Variants in PIBF1 observed in about 807,000 individuals in gnomAD.
PIBF1 encodes progesterone immunomodulatory binding factor 1.
A neutral mutation model predicts 112.5 loss-of-function variants in PIBF1; 90 were observed. The observed-to-expected ratio is 0.80, with a 90% CI of 0.67 to 0.95. PIBF1 has a LOEUF of 0.95. Among genes scored for constraint, PIBF1 ranks in the 40% least tolerant of loss-of-function variants. The probability of loss-of-function intolerance (pLI) is 0.00; values close to 1 mark genes in which losing one functional copy is unlikely to be tolerated. For synonymous variants in PIBF1, 301 were observed against 288.6 expected (o/e 1.04, Z -0.44); for missense variants, 915 against 852.3 (o/e 1.07, Z -0.92).
intron 9 of PIBF1, among the ~76,000 whole-genome samples, chr13:72,844,205 T>G (rs1643941065): frequency 6.6e-6 from 1 of 152,184 alleles, no homozygotes. Context: ...AAACATTTGT[T>G]GGTAAAAACT....
intron 14 of PIBF1, among the ~76,000 whole-genome samples, chr13:72,953,695 A>G (rs2042365161): frequency 6.6e-6 from 1 of 152,180 alleles, no homozygotes; most frequent in South Asian, 2.1e-4. Flanking sequence ...GGCAATGGCA[A>G]CAGCTGAGGG....
intron 9 of PIBF1, among the ~76,000 whole-genome samples, chr13:72,853,762 T>A (rs1025715447): frequency 4.6e-5 from 7 of 152,196 alleles, no homozygotes; most frequent in African/African-American, 1.7e-4. Context: ...TAATTACACC[T>A]ATCTCATTGG....
At chr13:72,990,206 T>C (rs1394661765) in intron 16 of PIBF1, among the ~76,000 whole-genome samples, 4 of 107,334 alleles carry the variant, frequency 3.7e-5, no homozygotes, top group Non-Finnish European at 5.3e-5. Flanking sequence ...AAAGCAAGAC[T>C]CTGTCTCAAA....
chr13:72,838,359 G>C (rs2037451839), intron 9 of PIBF1, among the ~76,000 whole-genome samples: 1 of 152,068 alleles, frequency 6.6e-6, no homozygotes, highest in South Asian at 2.1e-4. Context: ...GGAGGAATTG[G>C]GGAAGACTTC....
At chr13:72,958,512 AC>A (rs899587571) in intron 14 of PIBF1, among the ~76,000 whole-genome samples, 4 of 152,048 alleles carry the variant, frequency 2.6e-5, no homozygotes, top group Non-Finnish European at 5.9e-5. Context: ...ATAATCAACT[AC>A]CATGTCCTTG....
intron 14 of PIBF1, among the ~76,000 whole-genome samples, chr13:72,964,288 C>G (rs79237862): frequency 5.3e-5 from 8 of 152,140 alleles, no homozygotes; most frequent in Non-Finnish European, 1.2e-4. Flanking sequence ...TAGGCAAATT[C>G]ACAGAGACAG....
chr13:72,950,424 AC>A (rs2042265653), intron 14 of PIBF1, among the ~76,000 whole-genome samples: 2 of 152,180 alleles, frequency 1.3e-5, no homozygotes, highest in African/African-American at 4.8e-5. Context: ...CATTTTAATC[AC>A]TCAGTTACAT....
intron 10 of PIBF1, among the ~76,000 whole-genome samples, chr13:72,892,180 G>A (rs1235620607): frequency 6.6e-6 from 1 of 152,068 alleles, no homozygotes; most frequent in African/African-American, 2.4e-5. Context: ...TATGAATTAT[G>A]TCTCAGTAAA....
At chr13:73,004,432 A>G (rs1208795140) in intron 17 of PIBF1, among the ~76,000 whole-genome samples, 3 of 151,382 alleles carry the variant, frequency 2.0e-5, no homozygotes, top group African/African-American at 7.3e-5. Flanking sequence ...CGGAGGTTGC[A>G]TTGAGCCGAG....
intron 16 of PIBF1, among the ~76,000 whole-genome samples, chr13:72,998,454 G>A (rs2139026376): frequency 6.6e-6 from 1 of 151,646 alleles, no homozygotes; most frequent in Admixed American, 6.6e-5. Flanking sequence ...CAGCCTGGGT[G>A]ACAGTGAGAT....
intron 10 of PIBF1, among the ~76,000 whole-genome samples, chr13:72,860,789 A>C (rs1566370922): frequency 6.6e-6 from 1 of 152,180 alleles, no homozygotes. Context: ...TTACTCAAAG[A>C]CTTTTCTTTT....
chr13:72,865,698 G>T (rs2038897611), intron 10 of PIBF1, among the ~76,000 whole-genome samples: 1 of 152,140 alleles, frequency 6.6e-6, no homozygotes, highest in African/African-American at 2.4e-5. Flanking sequence ...CAGTTACACT[G>T]TTACTAGAAA....
chr13:72,990,213 CAAAAAA>C (rs34873893), intron 16 of PIBF1, among the ~76,000 whole-genome samples: 2 of 52,712 alleles, frequency 3.8e-5, no homozygotes, highest in African/African-American at 7.8e-5. Flanking sequence ...GACTCTGTCT[CAAAAAA>C]AAAAAAAAAA....
chr13:72,817,196 GT>G (rs2036313847), intron 5 of PIBF1, among the ~76,000 whole-genome samples: 1 of 152,118 alleles, frequency 6.6e-6, no homozygotes, highest in African/African-American at 2.4e-5. Flanking sequence ...GACAGGAGTT[GT>G]TCATTTATTA....
chr13:72,998,798 T>C, intron 16 of PIBF1, 24 bp from the exon 17 acceptor site: 3 of 1,569,934 alleles, frequency 1.9e-6, no homozygotes, highest in East Asian at 2.3e-5. Context: ...CTTGCTACTT[T>C]CTTCTGTTTT....
At chr13:72,919,883 A>G (rs1404619011) in intron 13 of PIBF1, among the ~76,000 whole-genome samples, 1 of 152,108 alleles carries the variant, frequency 6.6e-6, no homozygotes, top group East Asian at 1.9e-4. Flanking sequence ...CTGAGGTGGG[A>G]GGATTACCTG....
At chr13:72,986,581 A>G (rs907802995) in intron 16 of PIBF1, among the ~76,000 whole-genome samples, 3 of 151,682 alleles carry the variant, frequency 2.0e-5, no homozygotes, top group Non-Finnish European at 2.9e-5. Flanking sequence ...TAACAGCCCA[A>G]TTGTCTCTCA....
Position 72,783,419 on chromosome 13 carries a change from A to C in PIBF1, c.-47-4A>C. 1.6e-6 allele frequency: 2 copies of C among 1,234,592 alleles called. No individual in the cohort carries two copies. Among genetic ancestry groups the C allele is most frequent in the Non-Finnish European group, 2.3e-6 (2 of 862,812 alleles). 76.5% of individuals were successfully genotyped at this position (1,234,592 alleles called of 1,614,324 possible). A position where few individuals can be genotyped will look rare whatever the true frequency, so the allele number is the denominator to read the frequency against. On this transcript the variant is annotated splice_region_variant and splice_polypyrimidine_tract_variant and intron_variant, in intron 1 of 17. Coordinates refer to ENST00000326291, the MANE Select transcript of PIBF1 (RefSeq NM_006346.4). ...CATTTGAATTAATGTTTTTTAACCT[A>C]CAGAATATTAAAATCAAATTAGAGA... is the stretch of plus-strand genomic sequence containing the variant.
chr13:73,002,759 G>A (rs1409504654), intron 17 of PIBF1, among the ~76,000 whole-genome samples: 2 of 152,000 alleles, frequency 1.3e-5, no homozygotes, highest in Non-Finnish European at 2.9e-5. Flanking sequence ...CGAGGCAGAC[G>A]GATCACCTGA....
Sources: allele counts gnomAD v4.1 joint callset (sites outside exome capture counted in the v4.1 genomes callset), GRCh38; gene constraint gnomAD v4.1.1; transcripts MANE v1.5; gene names NCBI Gene and HGNC (gene_info 2026-07-23, HGNC 2026-07-21).